Variants in SHQ1 observed in about 807,000 individuals in gnomAD.
SHQ1 encodes the protein protein SHQ1 homolog.
A neutral mutation model predicts 53.8 loss-of-function variants in SHQ1; 49 were observed. That is an observed-to-expected ratio of 0.91 (90% CI 0.72 to 1.16). The LOEUF is 1.16. Among genes scored for constraint, SHQ1 ranks in the 50% most tolerant of loss-of-function variants. The pLI, the probability that SHQ1 is intolerant of heterozygous loss-of-function variation, is 0.00. For synonymous variants in SHQ1, 243 were observed against 251.0 expected, an observed-to-expected ratio of 0.97 and a Z score of 0.30; for missense variants, 738 against 683.1, an observed-to-expected ratio of 1.08 and a Z score of -0.90.
the SHQ1 span, among the ~76,000 whole-genome samples, chr3:72,725,379 G>A: frequency 6.6e-6 from 1 of 152,036 alleles, no homozygotes; most frequent in African/African-American, 2.4e-5. Flanking sequence ...GATTCTCTGA[G>A]CTCCCATGCA....
chr3:72,821,279 C>T (rs77544337), intron 6 of SHQ1, among the ~76,000 whole-genome samples: 19 of 152,302 alleles, frequency 1.2e-4, no homozygotes, highest in South Asian at 6.2e-4. Context: ...ATAAATGTTA[C>T]GTGGTGTCAT....
At chr3:72,752,492 TTTTC>T (rs1470847998) in intron 10 of SHQ1, among the ~76,000 whole-genome samples, 1 of 152,288 alleles carries the variant, frequency 6.6e-6, no homozygotes, top group East Asian at 1.9e-4. Flanking sequence ...ATGGAGTGCT[TTTTC>T]TTTTTATGAG....
intron 5 of SHQ1, among the ~76,000 whole-genome samples, chr3:72,830,215 A>C (rs1707784870): frequency 6.6e-6 from 1 of 152,014 alleles, no homozygotes; most frequent in African/African-American, 2.4e-5. Context: ...AAATGTATAA[A>C]TTTTTCTTTA....
At chr3:72,835,907 C>T (rs561830867) in intron 4 of SHQ1, among the ~76,000 whole-genome samples, 2 of 152,288 alleles carry the variant, frequency 1.3e-5, no homozygotes, top group African/African-American at 4.8e-5. Context: ...TTCCCTTTAC[C>T]TGTAACTATC....
chr3:72,787,045 T>G lies in SHQ1; in HGVS notation c.1181+5871A>C, dbSNP rs542132688. The stretch of plus-strand genomic sequence containing the variant: ...ATAAGGTCTTAAGCTTTCTAAAATT[T>G]TAGAACTTCAGTGCTGAAATGACTT... On this transcript the variant is annotated intron_variant, in intron 10 of 10. Coordinates refer to ENST00000325599, the MANE Select transcript of SHQ1 (RefSeq NM_018130.3). 3.3e-5 allele frequency among the ~76,000 whole-genome samples: 5 copies of G among 152,318 alleles called. No homozygotes were observed. In the East Asian group the frequency reaches 9.6e-4, roughly 29 times the overall value.
chr3:72,830,744 A>T (rs1707799162), intron 5 of SHQ1, among the ~76,000 whole-genome samples: 1 of 152,180 alleles, frequency 6.6e-6, no homozygotes, highest in Admixed American at 6.5e-5. Flanking sequence ...CATTCTTGTA[A>T]GAACAGTTCT....
At chr3:72,819,551 T>C (rs1707416228) in intron 6 of SHQ1, among the ~76,000 whole-genome samples, 1 of 152,282 alleles carries the variant, frequency 6.6e-6, no homozygotes, top group African/African-American at 2.4e-5. Context: ...ATCCATTAAG[T>C]GGAGGTACAG....
intron 10 of SHQ1, among the ~76,000 whole-genome samples, chr3:72,787,533 A>G (rs1706270983): frequency 6.6e-6 from 1 of 152,220 alleles, no homozygotes; most frequent in Non-Finnish European, 1.5e-5. Context: ...CAGTGAGCAT[A>G]TATGTACTCT....
intron 10 of SHQ1, among the ~76,000 whole-genome samples, chr3:72,783,254 A>C (rs1187028481): frequency 6.6e-6 from 1 of 151,714 alleles, no homozygotes; most frequent in African/African-American, 2.4e-5. Context: ...ACGCTTATTC[A>C]CCTCTGAAAA....
intron 9 of SHQ1, among the ~76,000 whole-genome samples, chr3:72,796,871 TTTTAA>T (rs889679034): frequency 2.6e-5 from 4 of 151,846 alleles, no homozygotes; most frequent in South Asian, 2.1e-4. Flanking sequence ...CAAAATATTT[TTTTAA>T]TTTAAAGAGA....
At chr3:72,726,684 C>T in the SHQ1 span, among the ~76,000 whole-genome samples, 2 of 152,174 alleles carry the variant, frequency 1.3e-5, no homozygotes, top group African/African-American at 2.4e-5. Flanking sequence ...TACAGGAAAG[C>T]GGTGCTCATT....
At chr3:72,735,092 C>T in the SHQ1 span, among the ~76,000 whole-genome samples, 3 of 151,712 alleles carry the variant, frequency 2.0e-5, no homozygotes, top group African/African-American at 2.4e-5. Context: ...TTCAATACTA[C>T]GGTGCTTTGT....
chr3:72,769,763 A>G (rs1705805633), intron 10 of SHQ1, among the ~76,000 whole-genome samples: 2 of 152,204 alleles, frequency 1.3e-5, no homozygotes, highest in African/African-American at 4.8e-5. Context: ...TAAATGCTCC[A>G]TAACAGAGAC....
chr3:72,763,003 T>G (rs1260599062), intron 10 of SHQ1, among the ~76,000 whole-genome samples: 3 of 147,922 alleles, frequency 2.0e-5, no homozygotes, highest in Non-Finnish European at 4.5e-5. Flanking sequence ...ACCTTCACCT[T>G]TATTATGCCA....
intron 9 of SHQ1, among the ~76,000 whole-genome samples, chr3:72,804,365 T>C (rs113121243): frequency 6.6e-6 from 1 of 152,164 alleles, no homozygotes; most frequent in African/African-American, 2.4e-5. Flanking sequence ...CACCCAGGTA[T>C]TAAGCCCAGT....
chr3:72,775,181 A>T (rs1257304311), intron 10 of SHQ1, among the ~76,000 whole-genome samples: 2 of 151,936 alleles, frequency 1.3e-5, no homozygotes, highest in Non-Finnish European at 2.9e-5. Context: ...CTCTTACAAA[A>T]ATAATTTAAA....
intron 10 of SHQ1, among the ~76,000 whole-genome samples, chr3:72,756,554 C>T (rs1456995369): frequency 6.6e-6 from 1 of 152,216 alleles, no homozygotes; most frequent in Non-Finnish European, 1.5e-5. Flanking sequence ...CTGGGGATTA[C>T]AGGAGTAAGC....
At chr3:72,791,095 T>C (rs1706419635) in intron 10 of SHQ1, among the ~76,000 whole-genome samples, 1 of 152,120 alleles carries the variant, frequency 6.6e-6, no homozygotes, top group Non-Finnish European at 1.5e-5. Flanking sequence ...TAATAAAGAA[T>C]ATCACAAAGA....
intron 10 of SHQ1, among the ~76,000 whole-genome samples, chr3:72,763,871 G>A (rs1705661787): frequency 6.6e-6 from 1 of 152,128 alleles, no homozygotes; most frequent in Non-Finnish European, 1.5e-5. Context: ...AAAGGTCTGT[G>A]GTTTTAAGCC....
Sources: allele counts gnomAD v4.1 joint callset (sites outside exome capture counted in the v4.1 genomes callset), GRCh38; gene constraint gnomAD v4.1.1; transcripts MANE v1.5; gene names NCBI Gene and HGNC (gene_info 2026-07-23, HGNC 2026-07-21).